The following WDR64 variants were observed in gnomAD, a reference collection of about 807,000 sequenced individuals.
WDR64 encodes the protein WD repeat domain 64, also known as WD repeat-containing protein 64.
WDR64 carries 112 observed loss-of-function variants against 139.3 expected under a neutral mutation model. The observed-to-expected ratio is 0.80, with a 90% confidence interval of 0.69 to 0.94. WDR64 has a LOEUF of 0.94. Among genes scored for constraint, WDR64 ranks in the 40% least tolerant of loss-of-function variants. The pLI, the probability that WDR64 is intolerant of heterozygous loss-of-function variation, is 0.00. For missense variants in WDR64, 1,206 were observed against 1,293.1 expected (o/e 0.93, Z 1.03); for synonymous variants, 444 against 437.7 (o/e 1.01, Z -0.18).
At chr1:241,684,816 GGCGC>G (rs1666945948) in intron 7 of WDR64, among the ~76,000 whole-genome samples, 1 of 152,162 alleles carries the variant, frequency 6.6e-6, no homozygotes, top group Non-Finnish European at 1.5e-5. Flanking sequence ...GGAGTTCAGT[GGCGC>G]AGTCTCGGCT....
chr1:241,790,499 T>C, intron 24 of WDR64, 92 bp from the exon 25 acceptor site: 2 of 1,030,320 alleles, frequency 1.9e-6, no homozygotes, highest in Non-Finnish European at 1.4e-6. Flanking sequence ...CCAAGAAATG[T>C]GGGCACCAGA....
At chr1:241,664,824 T>C (rs1253628769) in intron 2 of WDR64, among the ~76,000 whole-genome samples, 1 of 152,218 alleles carries the variant, frequency 6.6e-6, no homozygotes, top group Non-Finnish European at 1.5e-5. Flanking sequence ...GTTAATTGAC[T>C]TATCTAAAGC....
intron 14 of WDR64, among the ~76,000 whole-genome samples, chr1:241,755,647 T>C (rs1272260792): frequency 6.6e-6 from 1 of 152,260 alleles, no homozygotes; most frequent in Admixed American, 6.5e-5. Flanking sequence ...GCCTATGTCC[T>C]GAATGGTATT....
chr1:241,680,619 C>T (rs1666746481), intron 6 of WDR64, among the ~76,000 whole-genome samples: 1 of 152,164 alleles, frequency 6.6e-6, no homozygotes, highest in African/African-American at 2.4e-5. Context: ...TGCCTACACC[C>T]TCTGGGGGTA....
intron 14 of WDR64, among the ~76,000 whole-genome samples, chr1:241,750,091 C>T (rs1669925144): frequency 6.6e-6 from 1 of 152,158 alleles, no homozygotes; most frequent in Non-Finnish European, 1.5e-5. Context: ...CCTTATAACC[C>T]ATAATGCATT....
In WDR64 at chr1:241,663,220, A is replaced by G. The variant is rs941782602; in HGVS notation, c.276+2560A>G. ...AGAGGCTTAGTTTGTAAAGATACCA[A>G]CTGTTCCCGAATTGACTTAAAGTTT... On this transcript the variant is annotated intron_variant, in intron 2 of 27. Coordinates refer to ENST00000437684, the MANE Select transcript of WDR64 (RefSeq NM_001367482.1). Among the ~76,000 whole-genome samples, 8 of 152,350 alleles carry G rather than the reference A, an allele frequency of 5.3e-5. No individual in the cohort carries two copies. In the South Asian group the frequency reaches 8.3e-4, roughly 16 times the overall value.
chr1:241,731,405 CT>C (rs1384189127), intron 10 of WDR64, among the ~76,000 whole-genome samples: 1 of 151,984 alleles, frequency 6.6e-6, no homozygotes. Flanking sequence ...GATGTAAGCT[CT>C]TTATATGTAT....
chr1:241,698,818 G>A (rs1263098619), intron 8 of WDR64, among the ~76,000 whole-genome samples: 1 of 152,062 alleles, frequency 6.6e-6, no homozygotes, highest in Non-Finnish European at 1.5e-5. Flanking sequence ...TGCTGTATTA[G>A]TCCATTCTCC....
chr1:241,801,320 C>T lies in WDR64; in HGVS notation c.*105C>T, dbSNP rs1056127224. On this transcript the variant is annotated 3_prime_UTR_variant, in exon 28 of 28. Transcript: ENST00000437684. ...GGAGAAACCACCAGACACTATCAGT[C>T]ATCTCTGGTGTCAGGCCATCCTATT... is the stretch of plus-strand genomic sequence containing the variant. The T allele has an allele frequency of 6.0e-6, 6 of 996,786 alleles. No individual in the cohort carries two copies. Among genetic ancestry groups the T allele is most frequent in the Non-Finnish European group, 9.2e-6 (6 of 649,934 alleles). 61.7% of individuals were successfully genotyped at this position (996,786 alleles called of 1,614,324 possible). A position where few individuals can be genotyped will look rare whatever the true frequency, so the allele number is the denominator to read the frequency against.
chr1:241,763,691 C>T (rs900350619), intron 15 of WDR64, among the ~76,000 whole-genome samples: 6 of 152,016 alleles, frequency 3.9e-5, no homozygotes, highest in African/African-American at 1.4e-4. Context: ...GGCAACAGAG[C>T]AAGACTCAGT....
At chr1:241,729,164 T>C (rs954627423) in intron 10 of WDR64, among the ~76,000 whole-genome samples, 1 of 152,188 alleles carries the variant, frequency 6.6e-6, no homozygotes, top group Non-Finnish European at 1.5e-5. Flanking sequence ...CTGTAAGCCT[T>C]GCCACTGGTC....
At chr1:241,698,970 G>A (rs1226043385) in intron 8 of WDR64, among the ~76,000 whole-genome samples, 1 of 152,144 alleles carries the variant, frequency 6.6e-6, no homozygotes, top group Non-Finnish European at 1.5e-5. Context: ...TTCTTCACTT[G>A]GTGGCAGGAA....
At chr1:241,671,570 C>A (rs1428429986) in intron 3 of WDR64, among the ~76,000 whole-genome samples, 3 of 152,100 alleles carry the variant, frequency 2.0e-5, no homozygotes, top group Non-Finnish European at 4.4e-5. Flanking sequence ...CTTCTATTCA[C>A]TCTCATCTAC....
At chr1:241,751,686 G>A (rs1469096498) in intron 14 of WDR64, among the ~76,000 whole-genome samples, 8 of 152,054 alleles carry the variant, frequency 5.3e-5, no homozygotes, top group Admixed American at 5.2e-4. Flanking sequence ...ATTTTCTCAA[G>A]TCTCAGAAAA....
chr1:241,758,981 A>G (rs1670318928), intron 15 of WDR64, among the ~76,000 whole-genome samples: 1 of 152,180 alleles, frequency 6.6e-6, no homozygotes, highest in South Asian at 2.1e-4. Context: ...GTAAGGTTAT[A>G]TGGCTTTTAC....
rs1659525413 is a variant in WDR64, at chr1:241,801,538, C to G, written c.*323C>G. ...CAATGTTTAGCTTTCCACTTCCTCC[C>G]ATTGGTCACCTTACTCCACAGCAAG... On this transcript the variant is annotated 3_prime_UTR_variant, in exon 28 of 28. Coordinates refer to ENST00000437684, the MANE Select transcript of WDR64 (RefSeq NM_001367482.1). The G allele has an allele frequency of 4.8e-6, 2 of 415,882 alleles. No individual in the cohort carries two copies. The highest frequency in any genetic ancestry group is 8.5e-6 in the Non-Finnish European group (2 of 235,694). 25.8% of individuals were successfully genotyped at this position (415,882 alleles called of 1,614,324 possible).
chr1:241,701,769 T>G, intron 8 of WDR64, among the ~76,000 whole-genome samples: 1 of 152,204 alleles, frequency 6.6e-6, no homozygotes, highest in African/African-American at 2.4e-5. Context: ...GGTAGTGTAA[T>G]CATGTTTTCC....
intron 7 of WDR64, 56 bp from the exon 8 acceptor site, chr1:241,687,405 A>T (rs1413887244): frequency 6.3e-7 from 1 of 1,597,460 alleles, no homozygotes. Flanking sequence ...GAATAGAAAC[A>T]TATTATACGT....
intron 10 of WDR64, among the ~76,000 whole-genome samples, chr1:241,732,838 C>A (rs11806428): frequency 0.19 from 28,177 of 150,974 alleles, 2,941 homozygotes; most frequent in South Asian, 0.33. Context: ...ACCAAAAAAA[C>A]AAAAAAACAA....
Sources: gnomAD v4.1 joint callset for allele counts (sites outside exome capture counted in the v4.1 genomes callset) on GRCh38, gnomAD v4.1.1 for gene constraint, MANE v1.5 for transcripts, NCBI Gene and HGNC (gene_info 2026-07-23, HGNC 2026-07-21) for gene names.